ACVR1C: variants seen among roughly 807,000 people sequenced by gnomAD.
ACVR1C encodes activin A receptor type 1C.
ACVR1C carries 23 observed loss-of-function variants against 57.9 expected under a neutral mutation model. The ratio of observed to expected loss-of-function variants is 0.40; its 90% confidence interval spans 0.29 to 0.56. The LOEUF is 0.56. Ranked by LOEUF, ACVR1C falls within the 20% of genes least tolerant of loss-of-function variation. ACVR1C has a pLI of 0.50. For synonymous variants in ACVR1C, 214 were observed against 215.3 expected (o/e 0.99, Z 0.05); for missense variants, 480 against 607.9 (o/e 0.79, Z 2.21).
In ACVR1C at chr2:157,556,279, C is replaced by G; in HGVS notation, c.358G>C (p.Val120Leu). 3.7e-6 allele frequency: 6 copies of G among 1,614,120 alleles called. No individual in the cohort carries two copies. The highest frequency in any genetic ancestry group is 5.1e-6 in the Non-Finnish European group (6 of 1,180,024). Residue 120 changes from valine (V) to leucine (L), a missense_variant, in exon 3 of 9, where the codon GTG becomes CTG. Physicochemically the swap from Val to Leu is conservative, Grantham distance 32. Coordinates refer to ENST00000243349, the MANE Select transcript of ACVR1C (RefSeq NM_145259.3). ...GPMELAIIIT[V>L]PVCLLSIAAM... ...GCTATGGACAGGAGGCAAACAGGCA[C>G]AGTAATAATGATGGCCAGCTCCATG...
At chr2:157,554,548 T>C (rs1688043577) in intron 3 of ACVR1C, among the ~76,000 whole-genome samples, 2 of 152,196 alleles carry the variant, frequency 1.3e-5, no homozygotes. Flanking sequence ...AGATGCTACC[T>C]AATGTGTACA....
chr2:157,545,596 C>G (rs1404042321), intron 4 of ACVR1C, among the ~76,000 whole-genome samples: 2 of 152,090 alleles, frequency 1.3e-5, no homozygotes, highest in Admixed American at 1.3e-4. Context: ...AAGAGTGAAA[C>G]TGTCAATGTT....
At chr2:157,621,753 A>G (rs1682776924) in intron 1 of ACVR1C, among the ~76,000 whole-genome samples, 2 of 152,144 alleles carry the variant, frequency 1.3e-5, no homozygotes, top group African/African-American at 4.8e-5. Flanking sequence ...AGGTATTGCA[A>G]ATAGAGGTCC....
At chr2:157,604,406 T>C (rs980140551) in intron 1 of ACVR1C, among the ~76,000 whole-genome samples, 6 of 151,986 alleles carry the variant, frequency 3.9e-5, no homozygotes, top group African/African-American at 1.2e-4. Context: ...GTATTTGAGA[T>C]TTATTCACCA....
intron 1 of ACVR1C, chr2:157,597,361 T>C (rs1682153941): frequency 8.1e-6 from 8 of 985,426 alleles, no homozygotes; most frequent in Non-Finnish European, 9.6e-6. Flanking sequence ...TCCCCTTGCC[T>C]GGACTTGCAG....
chr2:157,594,122 G>T (rs926520900), intron 1 of ACVR1C, among the ~76,000 whole-genome samples: 3 of 152,150 alleles, frequency 2.0e-5, no homozygotes, highest in Non-Finnish European at 4.4e-5. Flanking sequence ...AATTTAGTTA[G>T]AATTCAGCAT....
chr2:157,554,201 G>GACAAAGAAAGAA (rs1388320584), intron 3 of ACVR1C, among the ~76,000 whole-genome samples: 1 of 41,444 alleles, frequency 2.4e-5, no homozygotes, highest in Non-Finnish European at 3.9e-5. Flanking sequence ...ATAAAGAAGA[G>GACAAAGAAAGAA]AGAAAGAAAG....
chr2:157,560,374 A>G (rs1005217488), intron 2 of ACVR1C, among the ~76,000 whole-genome samples: 2 of 152,226 alleles, frequency 1.3e-5, no homozygotes, highest in African/African-American at 4.8e-5. Context: ...GGAGATGGCT[A>G]TGTGAACCTG....
intron 2 of ACVR1C, among the ~76,000 whole-genome samples, chr2:157,573,363 G>A (rs1432606522): frequency 6.6e-6 from 1 of 152,070 alleles, no homozygotes; most frequent in Non-Finnish European, 1.5e-5. Context: ...ACATTTTAAT[G>A]TTTTGTCATA....
intron 8 of ACVR1C, among the ~76,000 whole-genome samples, chr2:157,536,695 T>C (rs1687495101): frequency 1.3e-5 from 2 of 151,950 alleles, no homozygotes; most frequent in Admixed American, 6.6e-5. Context: ...AGTCAGAAAA[T>C]GATTTGAGAG....
chr2:157,610,914 C>G (rs985960795), intron 1 of ACVR1C, among the ~76,000 whole-genome samples: 2 of 152,038 alleles, frequency 1.3e-5, no homozygotes, highest in Admixed American at 1.3e-4. Context: ...ATTTCTCATT[C>G]ATGTCCTGAA....
intron 2 of ACVR1C, among the ~76,000 whole-genome samples, chr2:157,577,375 T>C (rs1158677158): frequency 6.6e-6 from 1 of 152,148 alleles, no homozygotes; most frequent in African/African-American, 2.4e-5. Flanking sequence ...CCCTCCGAGA[T>C]TGTGGACTTC....
At chr2:157,606,738 A>G (rs1682406649) in intron 1 of ACVR1C, among the ~76,000 whole-genome samples, 2 of 151,738 alleles carry the variant, frequency 1.3e-5, no homozygotes, top group Non-Finnish European at 3.0e-5. Context: ...ATGTATTAAT[A>G]TTCTCTTTCA....
intron 2 of ACVR1C, among the ~76,000 whole-genome samples, chr2:157,574,775 T>G (rs1271922952): frequency 5.3e-5 from 8 of 152,176 alleles, no homozygotes; most frequent in African/African-American, 1.7e-4. Context: ...GATCTGAAGA[T>G]GGGTAGTCCA....
rs992621475 is a variant in ACVR1C at position 157,538,632 on chromosome 2, T to G, written c.1297A>C (p.Lys433Gln). 1 of 1,587,524 alleles carries G rather than the reference T, an allele frequency of 6.3e-7. No individual in the cohort carries two copies. The highest frequency in any genetic ancestry group is 8.6e-7 in the Non-Finnish European group (1 of 1,167,270). ...PSDPSIEEMR[K>Q]VVCDQKFRPS... Reference sequence around the variant, plus strand: ...CGAAACTTCTGGTCACAAACAACCTTTCTCATTTCCTCTATCGAGGGATCT... The same window carrying G: ...CGAAACTTCTGGTCACAAACAACCTGTCTCATTTCCTCTATCGAGGGATCT... The change falls in exon 8 of 9, where the codon AAG (lysine) becomes CAG (glutamine). Residue 433 changes from lysine (K) to glutamine (Q), a missense_variant. By Grantham distance (53) the Lys-to-Gln change is moderately conservative (BLOSUM62 1). Transcript: ENST00000243349.
intron 1 of ACVR1C, among the ~76,000 whole-genome samples, chr2:157,597,961 T>G (rs1246271864): frequency 6.6e-6 from 1 of 152,202 alleles, no homozygotes; most frequent in East Asian, 1.9e-4. Context: ...AGTGAAGTCT[T>G]TCTAAATTGT....
intron 7 of ACVR1C, among the ~76,000 whole-genome samples, chr2:157,539,582 A>G (rs1687572214): frequency 6.6e-6 from 1 of 152,246 alleles, no homozygotes; most frequent in South Asian, 2.1e-4. Flanking sequence ...TGAAATTTTT[A>G]CAAAAAATTA....
intron 3 of ACVR1C, 71 bp from the exon 4 acceptor site, chr2:157,550,463 T>C (rs1414016658): frequency 2.5e-5 from 35 of 1,414,204 alleles, no homozygotes; most frequent in Non-Finnish European, 3.4e-5. Context: ...AATCACTGTT[T>C]TCAGATTTTA....
intron 8 of ACVR1C, among the ~76,000 whole-genome samples, chr2:157,538,278 T>C (rs770144128): frequency 7.2e-5 from 11 of 152,316 alleles, no homozygotes; most frequent in Non-Finnish European, 1.5e-4. Context: ...ATTACTGAGT[T>C]ACTGCAATGA....
Sources: gnomAD v4.1 joint callset for allele counts (sites outside exome capture counted in the v4.1 genomes callset) on GRCh38, gnomAD v4.1.1 for gene constraint, MANE v1.5 for transcripts, NCBI Gene and HGNC (gene_info 2026-07-23, HGNC 2026-07-21) for gene names.